The following LMNB1 variants were observed in gnomAD, a reference collection of about 807,000 sequenced individuals.
LMNB1 encodes the protein lamin-B1.
In LMNB1, 23 loss-of-function variants were observed where a neutral mutation model predicts 67.1. The observed-to-expected ratio is 0.34, with a 90% CI of 0.25 to 0.49. The LOEUF is 0.49. Ranked by LOEUF, LMNB1 falls within the 20% of genes least tolerant of loss-of-function variation. The probability of loss-of-function intolerance (pLI) is 0.99; values close to 1 mark genes in which losing one functional copy is unlikely to be tolerated. For missense variants in LMNB1, 634 were observed against 746.5 expected (o/e 0.85, Z 1.76); for synonymous variants, 281 against 282.9 (o/e 0.99, Z 0.07).
intron 1 of LMNB1, among the ~76,000 whole-genome samples, chr5:126,793,055 T>C (rs771587078): frequency 3.8e-4 from 58 of 152,178 alleles, no homozygotes; most frequent in Non-Finnish European, 5.1e-4. Flanking sequence ...AAAAACAGTA[T>C]ATAGCTACTA....
intron 6 of LMNB1, among the ~76,000 whole-genome samples, chr5:126,820,249 C>T (rs1025805026): frequency 6.6e-6 from 1 of 152,066 alleles, no homozygotes; most frequent in Admixed American, 6.6e-5. Context: ...TAAGAAAGTA[C>T]AGGTACGAAA....
chr5:126,796,986 G>A (rs760924029), intron 1 of LMNB1, among the ~76,000 whole-genome samples: 17 of 151,786 alleles, frequency 1.1e-4, no homozygotes, highest in African/African-American at 4.1e-4. Context: ...ATGGGGTTTC[G>A]CCATGTTGGC....
rs1666186103 is a variant in LMNB1 at position 126,794,470 on chromosome 5, G to A, written c.360-10306G>A. ...ATGTGGGTATATTTTACTTTAAATT[G>A]AAAATAAGGTTTATTTTTTCTCTAA... is the stretch of plus-strand genomic sequence containing the variant. On this transcript the variant is annotated intron_variant, in intron 1 of 10. Coordinates refer to ENST00000261366, the MANE Select transcript of LMNB1 (RefSeq NM_005573.4). Among the ~76,000 whole-genome samples the A allele has an allele frequency of 2.6e-5, 4 of 152,254 alleles. No individual in the cohort carries two copies. In the South Asian group the frequency reaches 8.3e-4, roughly 32 times the overall value.
Position 126,805,643 on chromosome 5 carries a change from CGTT to C in LMNB1, c.592_594del (p.Cys198del). 6.2e-7 allele frequency: 1 copy of C among 1,612,648 alleles called. No individual in the cohort carries two copies. Among genetic ancestry groups the C allele is most frequent in the Non-Finnish European group, 8.5e-7 (1 of 1,178,846 alleles). On this transcript the variant is annotated inframe_deletion, in exon 3 of 11. Transcript: ENST00000261366. The stretch of plus-strand genomic sequence containing the variant: ...TTTACTTAAAGTAGATTTGGAGAAT[CGTT>C]GTCAGAGCCTTACTGAGGACTTGGA...
chr5:126,784,633 G>A (rs1750717285), intron 1 of LMNB1, among the ~76,000 whole-genome samples: 1 of 150,376 alleles, frequency 6.6e-6, no homozygotes, highest in African/African-American at 2.5e-5. Context: ...GGGATTACAG[G>A]CGTGAGCCAC....
rs1481976718 is a variant in LMNB1, at chr5:126,822,932, A to T, written c.1491+47A>T. ...TTAATTTAACTTCATTGTGTTAACT[A>T]ACAAAGTAACTCAAAAAGTTTTTTG... is the stretch of plus-strand genomic sequence containing the variant. On this transcript the variant is annotated intron_variant, in intron 8 of 10. Transcript: ENST00000261366. The T allele has an allele frequency of 5.6e-6, 7 of 1,251,820 alleles. 1 individual carries two copies. The highest frequency in any genetic ancestry group is 8.1e-6 in the Non-Finnish European group (7 of 866,020). 77.5% of individuals were successfully genotyped at this position (1,251,820 alleles called of 1,614,324 possible).
Position 126,777,611 on chromosome 5 carries a change from G to T in LMNB1, c.103G>T (p.Glu35Ter). 1.3e-6 allele frequency: 2 copies of T among 1,539,200 alleles called. No homozygotes were observed. Among genetic ancestry groups the T allele is most frequent in the Non-Finnish European group, 1.8e-6 (2 of 1,142,566 alleles). ...TRLSRLQEKEELRELNDRLAV... is the reference protein window; with the variant it reads ...TRLSRLQEKE ...CCTGTCGCGGCTCCAGGAGAAGGAG[G>T]AGCTGCGCGAGCTCAATGACCGGCT... The change falls in exon 1 of 11, where the codon GAG (glutamate) becomes TAG (stop). Residue 35 changes from glutamate (E) to a stop codon, truncating the protein, a stop_gained. Coordinates refer to ENST00000261366, the MANE Select transcript of LMNB1 (RefSeq NM_005573.4). LOFTEE classifies it high-confidence loss of function.
intron 1 of LMNB1, among the ~76,000 whole-genome samples, chr5:126,791,071 C>A (rs531510288): frequency 6.6e-6 from 1 of 151,984 alleles, no homozygotes; most frequent in Admixed American, 6.5e-5. Flanking sequence ...AAAATGAAGA[C>A]GTGTTCTTTA....
chr5:126,825,657 G>GT (rs1751977536), intron 8 of LMNB1, among the ~76,000 whole-genome samples: 1 of 152,178 alleles, frequency 6.6e-6, no homozygotes, highest in South Asian at 2.1e-4. Flanking sequence ...AATCGCACCT[G>GT]TTACAGGTGC....
chr5:126,784,014 ATTTTTTTTTTT>A (rs61578729), intron 1 of LMNB1, among the ~76,000 whole-genome samples: 29 of 59,442 alleles, frequency 4.9e-4, no homozygotes, highest in East Asian at 4.5e-3. Flanking sequence ...CTGTCATTTG[ATTTTTTTTTTT>A]TTTTTTTTTT....
intron 1 of LMNB1, among the ~76,000 whole-genome samples, chr5:126,793,454 A>G (rs1751015585): frequency 6.6e-6 from 1 of 152,154 alleles, no homozygotes; most frequent in South Asian, 2.1e-4. Context: ...TCTTTGACAG[A>G]TTAGTTTATT....
chr5:126,818,204 A>G (rs1454277267), intron 5 of LMNB1, among the ~76,000 whole-genome samples: 1 of 142,392 alleles, frequency 7.0e-6, no homozygotes, highest in African/African-American at 2.6e-5. Flanking sequence ...ACTTTTACCC[A>G]CTCTTAGGTT....
intron 9 of LMNB1, among the ~76,000 whole-genome samples, chr5:126,826,476 A>C (rs1048692510): frequency 2.0e-5 from 3 of 152,222 alleles, no homozygotes; most frequent in Non-Finnish European, 4.4e-5. Context: ...AAATGCTTGG[A>C]ATAGTATCTG....
rs186942707 is a variant in LMNB1 at position 126,835,939 on chromosome 5, G to A, written c.1720-284G>A. The stretch of plus-strand genomic sequence containing the variant: ...TGCACACCTGTAGTCGCAGCTGCTC[G>A]GGAGGCTGAGGCATGAGAATCGCTT... On this transcript the variant is annotated intron_variant, in intron 10 of 10. Transcript: ENST00000261366. 3.9e-5 allele frequency among the ~76,000 whole-genome samples: 6 copies of A among 152,270 alleles called. No homozygotes were observed. The East Asian group carries it at 5.8e-4, about 15-fold the overall frequency.
In LMNB1 at chr5:126,803,601, C is replaced by T. The variant is rs370842324; in HGVS notation, c.360-1175C>T. ...TCTCTCTGTCACCCAGGCTGGAGTG[C>T]AGTGGTGCGGTCTCGGCTCACTGCA... On this transcript the variant is annotated intron_variant, in intron 1 of 10. Coordinates refer to ENST00000261366, the MANE Select transcript of LMNB1 (RefSeq NM_005573.4). Among the ~76,000 whole-genome samples, 486 of 151,110 alleles carry T rather than the reference C, an allele frequency of 3.2e-3. 3 individuals carry two copies. The highest frequency in any genetic ancestry group is 0.011 in the African/African-American group (471 of 41,098).
chr5:126,796,819 C>T (rs560605203), intron 1 of LMNB1, among the ~76,000 whole-genome samples: 141 of 116,668 alleles, frequency 1.2e-3, no homozygotes, highest in Admixed American at 4.2e-3. Context: ...GATAGAGCTT[C>T]GCTCTTTGAC....
rs1403177213 is a variant in LMNB1, at chr5:126,822,771, C to T, written c.1387-10C>T. 1 of 1,547,406 alleles carries T rather than the reference C, an allele frequency of 6.5e-7. No individual in the cohort carries two copies. Among genetic ancestry groups the T allele is most frequent in the Admixed American group, 1.7e-5 (1 of 58,840 alleles). ...GAAGTAACACCCCTCACCCTCCTTT[C>T]TGTGTGTAGGATCAACCAATGGGAG... On this transcript the variant is annotated splice_polypyrimidine_tract_variant and intron_variant, in intron 7 of 10. Coordinates refer to ENST00000261366, the MANE Select transcript of LMNB1 (RefSeq NM_005573.4).
chr5:126,815,206 C>G (rs1281209858), intron 5 of LMNB1: 1 of 152,100 alleles, frequency 6.6e-6, no homozygotes, highest in East Asian at 1.9e-4. Context: ...CATCATGCTG[C>G]CTATTAGGCC....
chr5:126,802,010 G>T (rs995291529), intron 1 of LMNB1, among the ~76,000 whole-genome samples: 6 of 152,230 alleles, frequency 3.9e-5, no homozygotes, highest in Non-Finnish European at 7.3e-5. Context: ...ACAAGTGTCA[G>T]TTCATTCCTG....
Sources: allele counts gnomAD v4.1 joint callset (sites outside exome capture counted in the v4.1 genomes callset), GRCh38; gene constraint gnomAD v4.1.1; transcripts MANE v1.5; gene names NCBI Gene and HGNC (gene_info 2026-07-23, HGNC 2026-07-21).